The following ADORA2B variants were observed in gnomAD, a reference collection of about 807,000 sequenced individuals.
The protein encoded by ADORA2B is adenosine receptor A2b.
Under a neutral mutation model 20.8 loss-of-function variants are expected in ADORA2B, and 18 were observed. That is an observed-to-expected ratio of 0.87 (90% CI 0.60 to 1.29). ADORA2B has a LOEUF of 1.29. Among genes scored for constraint, ADORA2B ranks in the 50% most tolerant of loss-of-function variants. The pLI is 0.00. For missense variants in ADORA2B, 441 were observed against 422.7 expected, an observed-to-expected ratio of 1.04 and a Z score of -0.38; for synonymous variants, 179 against 178.3, an observed-to-expected ratio of 1.00 and a Z score of -0.03.
At chr17:15,964,629 AAAAG>A (rs1277846580) in intron 1 of ADORA2B, among the ~76,000 whole-genome samples, 1 of 151,342 alleles carries the variant, frequency 6.6e-6, no homozygotes, top group African/African-American at 2.4e-5. Context: ...AAAAAAAAAA[AAAAG>A]AAAAGATGAA....
the ADORA2B span, among the ~76,000 whole-genome samples, chr17:15,937,407 C>T: frequency 6.6e-6 from 1 of 152,150 alleles, no homozygotes; most frequent in Non-Finnish European, 1.5e-5. Context: ...TGTTGGGGTA[C>T]ACTTTCACCA....
At chr17:15,957,591 G>A (rs1376238588) in intron 1 of ADORA2B, among the ~76,000 whole-genome samples, 2 of 152,144 alleles carry the variant, frequency 1.3e-5, no homozygotes, top group Admixed American at 1.3e-4. Context: ...GGGGCTTTGG[G>A]AAGGTGTTGC....
chr17:15,857,320 C>T, the ADORA2B span, among the ~76,000 whole-genome samples: 1 of 152,196 alleles, frequency 6.6e-6, no homozygotes, highest in Non-Finnish European at 1.5e-5. Context: ...GGATGGAACC[C>T]TCATGGAGAT....
At chr17:15,854,816 G>C in the ADORA2B span, among the ~76,000 whole-genome samples, 1 of 152,022 alleles carries the variant, frequency 6.6e-6, no homozygotes, top group East Asian at 1.9e-4. Context: ...ATCAATGCCA[G>C]TATTAACAGA....
intron 1 of ADORA2B, among the ~76,000 whole-genome samples, chr17:15,955,072 T>G (rs1186048297): frequency 3.3e-5 from 5 of 152,194 alleles, no homozygotes; most frequent in Non-Finnish European, 7.3e-5. Context: ...AGGTCTGTCT[T>G]CAGCTCTGAA....
At position 15,945,220 on chromosome 17, in the gene ADORA2B, G is replaced by C; in HGVS notation, c.-29G>C. 1 of 1,384,308 alleles carries C rather than the reference G, an allele frequency of 7.2e-7. No individual in the cohort carries two copies. The highest frequency in any genetic ancestry group is 9.3e-7 in the Non-Finnish European group (1 of 1,076,920). The allele number at this position is 1,384,308 out of a possible 1,614,324, so 85.8% of individuals were successfully genotyped here. A position where few individuals can be genotyped will look rare whatever the true frequency, so the allele number is the denominator to read the frequency against. Reference sequence around the variant, plus strand: ...CCCTCGCCCGGCGCGCCTTCGGTAGGGGGCGCCCGGGGCCCAGCTGGCCCG... The same window carrying C: ...CCCTCGCCCGGCGCGCCTTCGGTAGCGGGCGCCCGGGGCCCAGCTGGCCCG... On this transcript the variant is annotated 5_prime_UTR_variant, in exon 1 of 2. Transcript: ENST00000304222.
chr17:15,952,900 G>A (rs890466481), intron 1 of ADORA2B, among the ~76,000 whole-genome samples: 5 of 152,226 alleles, frequency 3.3e-5, no homozygotes, highest in Non-Finnish European at 5.9e-5. Context: ...CTTGGACTCC[G>A]AGGCTAACCA....
the ADORA2B span, among the ~76,000 whole-genome samples, chr17:15,870,705 T>C: frequency 1.3e-5 from 2 of 152,208 alleles, no homozygotes; most frequent in Admixed American, 1.3e-4. Flanking sequence ...AAAATCTGCT[T>C]AGCCAACAGC....
At chr17:15,954,738 T>A (rs112604570) in intron 1 of ADORA2B, among the ~76,000 whole-genome samples, 9,398 of 152,206 alleles carry the variant, frequency 0.062, 984 homozygotes, top group African/African-American at 0.21. Context: ...CTGCACTCCA[T>A]CCTGGGCAAC....
At chr17:15,939,801 C>T in the ADORA2B span, among the ~76,000 whole-genome samples, 2 of 141,042 alleles carry the variant, frequency 1.4e-5, no homozygotes, top group African/African-American at 5.3e-5. Context: ...GCGGAGCTTG[C>T]GTGAGCCAAG....
At chr17:15,875,369 T>C in the ADORA2B span, among the ~76,000 whole-genome samples, 1 of 152,208 alleles carries the variant, frequency 6.6e-6, no homozygotes, top group Non-Finnish European at 1.5e-5. Flanking sequence ...GATCTCCTAC[T>C]GTGAAAGATG....
At chr17:15,923,206 A>ATTTT in the ADORA2B span, among the ~76,000 whole-genome samples, 14,382 of 110,904 alleles carry the variant, frequency 0.13, 984 homozygotes, top group Non-Finnish European at 0.14. Context: ...TCTTTTTTTA[A>ATTTT]TTTTTTTTTT....
the ADORA2B span, among the ~76,000 whole-genome samples, chr17:15,859,858 A>C: frequency 6.6e-6 from 1 of 152,226 alleles, no homozygotes; most frequent in African/African-American, 2.4e-5. Flanking sequence ...GACTAATATG[A>C]CAGCAGAAAG....
chr17:15,944,780 G>C (rs988623824), upstream of ADORA2B: 1 of 152,698 alleles, frequency 6.5e-6, no homozygotes, highest in Non-Finnish European at 1.5e-5. The surrounding 1 kb of genome is among the most constrained non-coding windows in gnomAD (Gnocchi z 4.8). Context: ...CGCGGCCCTG[G>C]GGGGTCCTCT....
the ADORA2B span, among the ~76,000 whole-genome samples, chr17:15,909,417 T>C: frequency 6.6e-6 from 1 of 152,212 alleles, no homozygotes; most frequent in African/African-American, 2.4e-5. Flanking sequence ...TAGTCCTTTA[T>C]TTGATTCATT....
rs758586452 is a variant in ADORA2B, at chr17:15,975,372, T to C, written c.*30T>C. The C allele has an allele frequency of 1.9e-6, 3 of 1,586,148 alleles. No homozygotes were observed. Among genetic ancestry groups the C allele is most frequent in the East Asian group, 2.2e-5 (1 of 44,632 alleles). ...GGCTCTCGCCTCTTCCAGGAGAAGATACAAATCCACAAGAAACAAAGAGGA... is the reference window on the plus strand; with the variant it reads ...GGCTCTCGCCTCTTCCAGGAGAAGACACAAATCCACAAGAAACAAAGAGGA... On this transcript the variant is annotated 3_prime_UTR_variant, in exon 2 of 2. Transcript: ENST00000304222.
At chr17:15,964,876 A>C (rs139368974) in intron 1 of ADORA2B, among the ~76,000 whole-genome samples, 1 of 151,968 alleles carries the variant, frequency 6.6e-6, no homozygotes, top group Non-Finnish European at 1.5e-5. Context: ...CCTGGCTAAC[A>C]CGGTGAAACC....
the ADORA2B span, among the ~76,000 whole-genome samples, chr17:15,932,036 A>G: frequency 1.4e-4 from 22 of 152,222 alleles, no homozygotes; most frequent in South Asian, 4.2e-3. Context: ...TGGCCTGGAC[A>G]CTAGACTTTT....
At chr17:15,889,660 G>T in the ADORA2B span, among the ~76,000 whole-genome samples, 1 of 130,232 alleles carries the variant, frequency 7.7e-6, no homozygotes, top group African/African-American at 3.3e-5. Context: ...TTAGAAAGAA[G>T]ACCAAGGCGG....
Sources: gnomAD v4.1 joint callset for allele counts (sites outside exome capture counted in the v4.1 genomes callset) on GRCh38, gnomAD v4.1.1 for gene constraint, Gnocchi (gnomAD v3.1) non-coding constraint, MANE v1.5 for transcripts, NCBI Gene and HGNC (gene_info 2026-07-23, HGNC 2026-07-21) for gene names.